MGAT5: variants seen among roughly 807,000 people sequenced by gnomAD.
MGAT5 encodes alpha-1,6-mannosylglycoprotein 6-beta-N-acetylglucosaminyltransferase, also known as alpha-1,6-mannosylglycoprotein 6-beta-N-acetylglucosaminyltransferase A.
MGAT5 carries 30 observed loss-of-function variants against 94.3 expected under a neutral mutation model. That is an observed-to-expected ratio of 0.32 (90% CI 0.24 to 0.43). The LOEUF (loss-of-function observed/expected upper bound fraction) is 0.43, where lower values mean the gene tolerates loss of function less well. Among genes scored for constraint, MGAT5 ranks in the 20% least tolerant of loss-of-function variants. MGAT5 has a pLI of 1.00. For missense variants in MGAT5, 691 were observed against 905.5 expected (o/e 0.76, Z 3.04); for synonymous variants, 310 against 322.9 (o/e 0.96, Z 0.43).
intron 1 of MGAT5, among the ~76,000 whole-genome samples, chr2:134,172,144 C>CT (rs1265511919): frequency 6.6e-6 from 1 of 152,174 alleles, no homozygotes; most frequent in African/African-American, 2.4e-5. Context: ...ACCATGGCCA[C>CT]TTAATTCTTA....
At chr2:134,223,103 T>A (rs535521485) in intron 1 of MGAT5, among the ~76,000 whole-genome samples, 1 of 152,326 alleles carries the variant, frequency 6.6e-6, no homozygotes, top group South Asian at 2.1e-4. Context: ...TTTCCCTTAA[T>A]TTTATAGTAA....
intron 14 of MGAT5, among the ~76,000 whole-genome samples, chr2:134,439,724 TAAAAAAAAAAGA>T (rs1321479619): frequency 2.7e-5 from 4 of 147,418 alleles, no homozygotes; most frequent in African/African-American, 1.0e-4. Flanking sequence ...AGCACAAGGT[TAAAAAAAAAAGA>T]AAAGAAAAAT....
At chr2:134,179,013 C>T (rs574782134) in intron 1 of MGAT5, among the ~76,000 whole-genome samples, 1 of 152,328 alleles carries the variant, frequency 6.6e-6, no homozygotes, top group African/African-American at 2.4e-5. Context: ...AATCAATACT[C>T]TGCACTTTCC....
At chr2:134,147,850 T>A (rs191508308) in intron 1 of MGAT5, among the ~76,000 whole-genome samples, 1 of 152,276 alleles carries the variant, frequency 6.6e-6, no homozygotes, top group African/African-American at 2.4e-5. Context: ...CTAACTGAAA[T>A]TTGGCATTTT....
intron 9 of MGAT5, among the ~76,000 whole-genome samples, chr2:134,350,971 A>G (rs6430510): frequency 0.97 from 147,357 of 152,202 alleles, 71,417 homozygotes; most frequent in East Asian, 1. Context: ...CCCCTTGTAC[A>G]CAGCTACCTG....
At chr2:134,156,076 G>A (rs542757840) in intron 1 of MGAT5, among the ~76,000 whole-genome samples, 102 of 152,206 alleles carry the variant, frequency 6.7e-4, no homozygotes, top group Middle Eastern at 3.4e-3. Context: ...AGCCTAGGAC[G>A]TCCAGCAGCA....
chr2:134,368,975 G>A (rs1680609225), intron 10 of MGAT5, among the ~76,000 whole-genome samples: 1 of 152,044 alleles, frequency 6.6e-6, no homozygotes, highest in African/African-American at 2.4e-5. Flanking sequence ...CCCTAGCACA[G>A]CACCCTGTTT....
chr2:134,348,378 T>C (rs553814488), intron 8 of MGAT5, among the ~76,000 whole-genome samples: 5 of 152,330 alleles, frequency 3.3e-5, no homozygotes, highest in Admixed American at 3.3e-4. Flanking sequence ...AAATTCCTCC[T>C]GTAGTTAGCT....
At chr2:134,427,647 A>G (rs575786310) in intron 13 of MGAT5, among the ~76,000 whole-genome samples, 20 of 152,314 alleles carry the variant, frequency 1.3e-4, no homozygotes, top group African/African-American at 4.8e-4. Context: ...CTTGTTCACC[A>G]AGGATGTCTT....
At chr2:134,411,768 A>G (rs1010320724) in intron 11 of MGAT5, among the ~76,000 whole-genome samples, 3 of 152,220 alleles carry the variant, frequency 2.0e-5, no homozygotes, top group Admixed American at 6.5e-5. Context: ...ACCGAGGGAA[A>G]AACAGAACCA....
intron 10 of MGAT5, among the ~76,000 whole-genome samples, chr2:134,386,507 G>C (rs1287242434): frequency 6.6e-6 from 1 of 152,214 alleles, no homozygotes; most frequent in African/African-American, 2.4e-5. Context: ...AGGGACTCCA[G>C]CTGCTTCTGT....
At chr2:134,161,620 T>C (rs910378242) in intron 1 of MGAT5, among the ~76,000 whole-genome samples, 1 of 152,196 alleles carries the variant, frequency 6.6e-6, no homozygotes, top group African/African-American at 2.4e-5. Context: ...TCTGGAAGAA[T>C]AGAGTTTATT....
chr2:134,410,408 A>G (rs893954702), intron 11 of MGAT5, among the ~76,000 whole-genome samples: 1 of 152,354 alleles, frequency 6.6e-6, no homozygotes, highest in Non-Finnish European at 1.5e-5. Flanking sequence ...GTTTCCAAGT[A>G]ATGTATTTCC....
chr2:134,268,730 C>T lies in MGAT5; in HGVS notation c.242-1656C>T, dbSNP rs55633806. ...ATGTGCCAGCCAGTATTCAAAACAC[C>T]TTATAAATATTAACTCTTTAACTCC... On this transcript the variant is annotated intron_variant, in intron 1 of 15. Coordinates refer to ENST00000281923, the MANE Select transcript of MGAT5 (RefSeq NM_002410.5). This position sits in a 1 kb window ranked among gnomAD's most constrained non-coding sequence, Gnocchi z 4.1. 0.15 allele frequency among the ~76,000 whole-genome samples: 22,068 copies of T among 152,182 alleles called. 2,609 individuals carry two copies. Among genetic ancestry groups the T allele is most frequent in the East Asian group, 0.36 (1,862 of 5,188 alleles).
chr2:134,423,649 G>A (rs1221227690), intron 13 of MGAT5, among the ~76,000 whole-genome samples: 3 of 152,180 alleles, frequency 2.0e-5, no homozygotes, highest in South Asian at 2.1e-4. Flanking sequence ...AAGAGAAGCC[G>A]GGGTAGGCAT....
intron 11 of MGAT5, among the ~76,000 whole-genome samples, chr2:134,405,779 A>G (rs3791296): frequency 4.6e-5 from 7 of 152,226 alleles, no homozygotes; most frequent in East Asian, 1.9e-4. Flanking sequence ...TTTACAAGCC[A>G]TCTTTGAATC....
At chr2:134,381,520 CAGACAGACAGACAGACAGAT>C (rs1558842328) in intron 10 of MGAT5, among the ~76,000 whole-genome samples, 21 of 85,832 alleles carry the variant, frequency 2.4e-4, no homozygotes, top group Admixed American at 1.1e-3. Flanking sequence ...ACCAGACAGA[CAGACAGACAGACAGACAGAT>C]AGATAGATAG....
intron 10 of MGAT5, among the ~76,000 whole-genome samples, chr2:134,382,260 A>T (rs1161918273): frequency 6.6e-6 from 1 of 152,126 alleles, no homozygotes; most frequent in Non-Finnish European, 1.5e-5. Flanking sequence ...CTAAAAAAAA[A>T]AAATAAAGTC....
intron 2 of MGAT5, among the ~76,000 whole-genome samples, chr2:134,306,444 C>T (rs1372466136): frequency 6.6e-6 from 1 of 151,990 alleles, no homozygotes; most frequent in East Asian, 1.9e-4. Context: ...ACCTCATACC[C>T]CACCAAGCAT....
Sources: gnomAD v4.1 joint callset for allele counts (sites outside exome capture counted in the v4.1 genomes callset) on GRCh38, gnomAD v4.1.1 for gene constraint, Gnocchi (gnomAD v3.1) non-coding constraint, MANE v1.5 for transcripts, NCBI Gene and HGNC (gene_info 2026-07-23, HGNC 2026-07-21) for gene names.